GMPR: variants seen among roughly 807,000 people sequenced by gnomAD.
The protein encoded by GMPR is guanosine monophosphate reductase, also known as GMP reductase 1.
GMPR carries 31 observed loss-of-function variants against 38.4 expected under a neutral mutation model. That is an observed-to-expected ratio of 0.81 (90% CI 0.61 to 1.09). GMPR has a LOEUF of 1.09. GMPR is among the 50% of genes least tolerant of loss of function. The probability of loss-of-function intolerance (pLI) is 0.00; values close to 1 mark genes in which losing one functional copy is unlikely to be tolerated. For missense variants in GMPR, 468 were observed against 453.7 expected (o/e 1.03, Z -0.29); for synonymous variants, 162 against 173.3 (o/e 0.93, Z 0.51).
At chr6:16,240,435 G>C (rs1758625142) in intron 1 of GMPR, among the ~76,000 whole-genome samples, 1 of 152,204 alleles carries the variant, frequency 6.6e-6, no homozygotes, top group African/African-American at 2.4e-5. Flanking sequence ...TTGGAAGGCT[G>C]AGGCGGGAGG....
At chr6:16,253,218 A>C (rs1758908606) in intron 3 of GMPR, among the ~76,000 whole-genome samples, 1 of 152,218 alleles carries the variant, frequency 6.6e-6, no homozygotes, top group Middle Eastern at 3.2e-3. Flanking sequence ...GTTTGTTTTC[A>C]CACCTTGGGA....
chr6:16,266,595 G>A (rs1413205587), intron 4 of GMPR, among the ~76,000 whole-genome samples: 2 of 151,604 alleles, frequency 1.3e-5, no homozygotes, highest in Non-Finnish European at 2.9e-5. Context: ...CAGGTCAGGA[G>A]ATCATAACCA....
At chr6:16,247,377 C>CTTT (rs539745655) in intron 2 of GMPR, among the ~76,000 whole-genome samples, 1 of 141,814 alleles carries the variant, frequency 7.1e-6, no homozygotes, top group African/African-American at 2.6e-5. Context: ...TAATGTATTT[C>CTTT]TTTTTTTTTT....
At position 16,294,497 on chromosome 6, in the gene GMPR, A is replaced by G. The variant is rs541410619; in HGVS notation, c.858-509A>G. 2.9e-3 allele frequency among the ~76,000 whole-genome samples: 440 copies of G among 152,326 alleles called. 2 individuals carry two copies. The highest frequency in any genetic ancestry group is 0.01 in the African/African-American group (425 of 41,576). ...CTTGATTTCTGATCTTAGACCAGAC[A>G]GGCGGGAGGTGAAGCTCTGGACTTT... On this transcript the variant is annotated intron_variant, in intron 8 of 8. Transcript: ENST00000259727.
chr6:16,253,279 GA>G (rs1358307860), intron 3 of GMPR, among the ~76,000 whole-genome samples: 1 of 152,246 alleles, frequency 6.6e-6, no homozygotes, highest in African/African-American at 2.4e-5. Flanking sequence ...TGTACAGGTT[GA>G]GATTTGCATG....
rs940873813 is a variant in GMPR, at chr6:16,295,303, G to C, written c.*117G>C. The C allele has an allele frequency of 1.3e-6, 1 of 775,692 alleles. No individual in the cohort carries two copies. The highest frequency in any genetic ancestry group is 3.8e-5 in the Admixed American group (1 of 26,376). 48.1% of individuals were successfully genotyped at this position (775,692 alleles called of 1,614,324 possible). A position where few individuals can be genotyped will look rare whatever the true frequency, so the allele number is the denominator to read the frequency against. On this transcript the variant is annotated 3_prime_UTR_variant, in exon 9 of 9. Transcript: ENST00000259727. ...CTGCTCCTGAATGGTGGAATGCTGT[G>C]TCCTCTCTTCTGTCTCCTGCTGCCT... is the stretch of plus-strand genomic sequence containing the variant.
intron 7 of GMPR, among the ~76,000 whole-genome samples, chr6:16,287,126 G>T (rs1411315842): frequency 6.6e-6 from 1 of 152,172 alleles, no homozygotes; most frequent in Non-Finnish European, 1.5e-5. Context: ...TAGTTGAGGG[G>T]ACTGAGGCTG....
At position 16,290,450 on chromosome 6, in the gene GMPR, G is replaced by C. The variant is rs372973464; in HGVS notation, c.698-12G>C. ...TCTGCTACTCGCTTTCATCCCCACC[G>C]TTGGCATTTAGGAGCTGGAGCAGAT... On this transcript the variant is annotated splice_polypyrimidine_tract_variant and intron_variant, in intron 7 of 8. Coordinates refer to ENST00000259727, the MANE Select transcript of GMPR (RefSeq NM_006877.4). 6 of 1,612,696 alleles carry C rather than the reference G, an allele frequency of 3.7e-6. No individual in the cohort carries two copies. The South Asian group carries it at 6.6e-5, about 18-fold the overall frequency.
chr6:16,285,219 G>A (rs62387700), intron 6 of GMPR, among the ~76,000 whole-genome samples: 2 of 152,084 alleles, frequency 1.3e-5, no homozygotes, highest in African/African-American at 2.4e-5. Context: ...CAGTGTGGGT[G>A]GAAAAACAGA....
At chr6:16,264,130 A>C (rs1439993791) in intron 4 of GMPR, among the ~76,000 whole-genome samples, 2 of 151,930 alleles carry the variant, frequency 1.3e-5, no homozygotes, top group Non-Finnish European at 2.9e-5. Context: ...GCAATGATTA[A>C]ACACCAAGGG....
chr6:16,285,036 A>C (rs1200067694), intron 6 of GMPR, among the ~76,000 whole-genome samples: 33 of 151,182 alleles, frequency 2.2e-4, no homozygotes, highest in African/African-American at 6.8e-4. Context: ...AAAAAAACAA[A>C]AAAAAAAAAA....
In GMPR at chr6:16,274,376, A is replaced by C. The variant is rs201792237; in HGVS notation, c.466-39A>C. The C allele has an allele frequency of 5.4e-4, 660 of 1,233,396 alleles. 3 individuals carry two copies. In the East Asian group the frequency reaches 7.8e-3, roughly 15 times the overall value. The allele number at this position is 1,233,396 out of a possible 1,614,324, so 76.4% of individuals were successfully genotyped here. On this transcript the variant is annotated intron_variant, in intron 4 of 8. Coordinates refer to ENST00000259727, the MANE Select transcript of GMPR (RefSeq NM_006877.4). ...GGTTCCTCACCTTTATACCAGCAAT[A>C]GTAGTTCATGATCATCAGCTGTATT...
chr6:16,294,794 C>T (rs1001658919), intron 8 of GMPR, among the ~76,000 whole-genome samples: 1 of 152,158 alleles, frequency 6.6e-6, no homozygotes, highest in South Asian at 2.1e-4. Context: ...GCAATGAGCC[C>T]GTGCCCTTTG....
At chr6:16,271,540 G>C (rs933415908) in intron 4 of GMPR, among the ~76,000 whole-genome samples, 3 of 152,170 alleles carry the variant, frequency 2.0e-5, no homozygotes, top group African/African-American at 7.2e-5. Context: ...CTTCTCTAAA[G>C]TTTTTGTGGT....
intron 2 of GMPR, among the ~76,000 whole-genome samples, chr6:16,249,103 G>A (rs562409637): frequency 6.6e-6 from 1 of 151,996 alleles, no homozygotes; most frequent in South Asian, 2.1e-4. Flanking sequence ...AATCTCCGTA[G>A]TCAGATCCAA....
chr6:16,289,209 A>T (rs1759771312), intron 7 of GMPR, among the ~76,000 whole-genome samples: 1 of 152,214 alleles, frequency 6.6e-6, no homozygotes, highest in South Asian at 2.1e-4. Context: ...CCCCACCAGA[A>T]GGAAAAAGCC....
At chr6:16,243,703 C>T (rs959750316) in intron 1 of GMPR, among the ~76,000 whole-genome samples, 2 of 152,226 alleles carry the variant, frequency 1.3e-5, no homozygotes, top group South Asian at 2.1e-4. Context: ...CTGGGTCCCA[C>T]GTCTGCCCCC....
chr6:16,246,376 C>G (rs1758755833), intron 1 of GMPR, among the ~76,000 whole-genome samples: 1 of 152,066 alleles, frequency 6.6e-6, no homozygotes. Flanking sequence ...ATTAAAGCAG[C>G]CGTGGAGGGT....
At chr6:16,285,421 G>C (rs750738081) in intron 6 of GMPR, among the ~76,000 whole-genome samples, 1 of 152,242 alleles carries the variant, frequency 6.6e-6, no homozygotes, top group South Asian at 2.1e-4. Flanking sequence ...AGTGTGGACA[G>C]TGGAATGGCT....
Sources: gnomAD v4.1 joint callset for allele counts (sites outside exome capture counted in the v4.1 genomes callset) on GRCh38, gnomAD v4.1.1 for gene constraint, MANE v1.5 for transcripts, NCBI Gene and HGNC (gene_info 2026-07-23, HGNC 2026-07-21) for gene names.